Variants in SYN3 observed in about 807,000 individuals in gnomAD.
The protein encoded by SYN3 is synapsin III.
In SYN3, 35 loss-of-function variants were observed where a neutral mutation model predicts 65.8. The observed-to-expected ratio is 0.53, with a 90% CI of 0.41 to 0.70. SYN3 has a LOEUF of 0.70. Ranked by LOEUF, SYN3 falls within the 30% of genes least tolerant of loss-of-function variation. The pLI is 0.00. For synonymous variants in SYN3, 270 were observed against 292.9 expected (o/e 0.92, Z 0.80); for missense variants, 680 against 749.0 (o/e 0.91, Z 1.08).
At chr22:32,938,098 G>T (rs964831082) in intron 3 of SYN3, among the ~76,000 whole-genome samples, 4 of 152,026 alleles carry the variant, frequency 2.6e-5, no homozygotes, top group Non-Finnish European at 5.9e-5. Flanking sequence ...GTGGTGAAGA[G>T]AAAATCTTCA....
At position 32,858,296 on chromosome 22, in the gene SYN3, T is replaced by A. The variant is rs137485; in HGVS notation, c.711+6619A>T. Among the ~76,000 whole-genome samples, 117,287 of 152,076 alleles carry A rather than the reference T, an allele frequency of 0.77. 45,720 individuals carry two copies. The highest frequency in any genetic ancestry group is 0.88 in the African/African-American group (36,345 of 41,526). ...CAGGTCTGAGCAGATATAGTAAGGA[T>A]TGTTGCCCCAGGTGGGGCAGTGAGG... is the stretch of plus-strand genomic sequence containing the variant. On this transcript the variant is annotated intron_variant, in intron 6 of 13. Transcript: ENST00000358763.
chr22:32,626,473 AC>A (rs1161458491), intron 6 of SYN3, among the ~76,000 whole-genome samples: 2 of 152,186 alleles, frequency 1.3e-5, no homozygotes, highest in South Asian at 4.1e-4. Flanking sequence ...TCAAGTGTAG[AC>A]AAAGAGAGAA....
chr22:32,650,523 C>T lies in SYN3; in HGVS notation c.712-53787G>A, dbSNP rs190933748. On this transcript the variant is annotated intron_variant, in intron 6 of 13. Coordinates refer to ENST00000358763, the MANE Select transcript of SYN3 (RefSeq NM_003490.4). ...TCAAGCGATCCCCTCATTTCAGCCTCCCAAAGTGCTGGGATGGCAGGCCAC... is the reference window on the plus strand; with the variant it reads ...TCAAGCGATCCCCTCATTTCAGCCTTCCAAAGTGCTGGGATGGCAGGCCAC... 9.9e-5 allele frequency among the ~76,000 whole-genome samples: 15 copies of T among 152,218 alleles called. No homozygotes were observed. The East Asian group carries it at 2.9e-3, about 29-fold the overall frequency.
At chr22:32,624,202 A>G (rs536061891) in intron 6 of SYN3, among the ~76,000 whole-genome samples, 106 of 152,340 alleles carry the variant, frequency 7.0e-4, no homozygotes, top group Non-Finnish European at 1.2e-3. Context: ...GCATGAAGTC[A>G]GGGTTTGGAA....
chr22:32,755,665 C>T (rs2045267782), intron 6 of SYN3, among the ~76,000 whole-genome samples: 1 of 152,150 alleles, frequency 6.6e-6, no homozygotes, highest in Non-Finnish European at 1.5e-5. Flanking sequence ...CTTCTGTCCT[C>T]CAAGGATGGA....
At chr22:32,611,310 G>A (rs1011611793) in intron 6 of SYN3, among the ~76,000 whole-genome samples, 2 of 145,206 alleles carry the variant, frequency 1.4e-5, no homozygotes, top group Admixed American at 6.9e-5. Context: ...TTTTTTGTGG[G>A]GGGGATGGAG....
At chr22:33,006,147 C>T (rs1274361122) in intron 2 of SYN3, among the ~76,000 whole-genome samples, 1 of 152,174 alleles carries the variant, frequency 6.6e-6, no homozygotes, top group South Asian at 2.1e-4. Flanking sequence ...ATATAAAGCC[C>T]TTAGAAGAGA....
chr22:33,036,117 C>T (rs954519077), intron 1 of SYN3, among the ~76,000 whole-genome samples: 1 of 152,194 alleles, frequency 6.6e-6, no homozygotes, highest in Non-Finnish European at 1.5e-5. Flanking sequence ...TACCGCCTAC[C>T]TGCCCCTCTT....
At chr22:32,934,956 TGA>T (rs1278253157) in intron 3 of SYN3, among the ~76,000 whole-genome samples, 2 of 152,118 alleles carry the variant, frequency 1.3e-5, no homozygotes, top group Non-Finnish European at 2.9e-5. Flanking sequence ...CAAGAAATGC[TGA>T]GAGTCACTAG....
rs1469903358 is a variant in SYN3, at chr22:32,925,870, T to TTTTC, written c.461+5519_461+5520insGAAA. Reference sequence around the variant, plus strand: ...AGGACCAATGGGATAGTTGTTCTTTTTTTTTTTTTTTTGTGGCAGGGTCTC... The same window carrying TTTTC: ...AGGACCAATGGGATAGTTGTTCTTTTTTTCTTTTTTTTTTTTGTGGCAGGGTCTC... On this transcript the variant is annotated intron_variant, in intron 4 of 13. Transcript: ENST00000358763. Among the ~76,000 whole-genome samples the TTTTC allele has an allele frequency of 2.0e-5, 3 of 149,570 alleles. 1 individual carries two copies. Among genetic ancestry groups the TTTTC allele is most frequent in the African/African-American group, 7.4e-5 (3 of 40,730 alleles).
chr22:32,992,765 A>G (rs1010769590), intron 2 of SYN3, among the ~76,000 whole-genome samples: 1 of 152,232 alleles, frequency 6.6e-6, no homozygotes, highest in Non-Finnish European at 1.5e-5. Flanking sequence ...GTGAGGCAAC[A>G]TCACTCTGCT....
chr22:32,614,971 CAA>C (rs10719539), intron 6 of SYN3, among the ~76,000 whole-genome samples: 40 of 147,040 alleles, frequency 2.7e-4, no homozygotes, highest in African/African-American at 2.5e-4. Context: ...ACAAATGTTC[CAA>C]AAAAAAAAAA....
intron 6 of SYN3, among the ~76,000 whole-genome samples, chr22:32,782,619 G>A (rs751004557): frequency 2.0e-5 from 3 of 150,674 alleles, no homozygotes; most frequent in African/African-American, 4.9e-5. Flanking sequence ...CTAGGTTCAA[G>A]TGATTCTTCC....
At chr22:32,972,580 G>A (rs1190925294) in intron 3 of SYN3, among the ~76,000 whole-genome samples, 2 of 152,200 alleles carry the variant, frequency 1.3e-5, no homozygotes, top group African/African-American at 2.4e-5. Flanking sequence ...AGGCATTCAT[G>A]CAGGAATTGA....
At position 32,509,111 on chromosome 22, in the gene SYN3, T is replaced by C. The variant is rs1474478594; in HGVS notation, c.*4581A>G. Among the ~76,000 whole-genome samples, 2 of 152,232 alleles carry C rather than the reference T, an allele frequency of 1.3e-5. No homozygotes were observed. The highest frequency in any genetic ancestry group is 2.9e-5 in the Non-Finnish European group (2 of 68,042). On this transcript the variant is annotated 3_prime_UTR_variant, in exon 14 of 14. Transcript: ENST00000358763. ...AAGAGAAAGGATATGCCACTGTTCC[T>C]GGAAAGCTGATTTTACATTTAACCA...
At chr22:32,771,056 C>T (rs753624637) in intron 6 of SYN3, among the ~76,000 whole-genome samples, 12 of 152,112 alleles carry the variant, frequency 7.9e-5, no homozygotes, top group Non-Finnish European at 1.3e-4. Flanking sequence ...TCTCCCTCCC[C>T]TTGCCCCTCA....
intron 6 of SYN3, among the ~76,000 whole-genome samples, chr22:32,704,831 CAT>C (rs1417420068): frequency 6.6e-6 from 1 of 151,976 alleles, no homozygotes; most frequent in East Asian, 1.9e-4. Flanking sequence ...GCTTTTTTTA[CAT>C]GTTTGTTGGC....
rs536110277 is a variant in SYN3 at position 32,995,883 on chromosome 22, G to C, written c.311+10469C>G. ...TCACCATGTTGGCCAGGATGGTCTCGATCTCCTGACCTTGTGGTCTGCCTC... is the reference window on the plus strand; with the variant it reads ...TCACCATGTTGGCCAGGATGGTCTCCATCTCCTGACCTTGTGGTCTGCCTC... On this transcript the variant is annotated intron_variant, in intron 2 of 13. Coordinates refer to ENST00000358763, the MANE Select transcript of SYN3 (RefSeq NM_003490.4). 1.2e-4 allele frequency among the ~76,000 whole-genome samples: 18 copies of C among 152,182 alleles called. No individual in the cohort carries two copies. The South Asian group carries it at 3.5e-3, about 30-fold the overall frequency.
chr22:32,841,690 G>A (rs2047907695), intron 6 of SYN3, among the ~76,000 whole-genome samples: 1 of 72 alleles, frequency 0.014, no homozygotes, highest in Non-Finnish European at 0.036. Context: ...GTTGGTGGGT[G>A]GGGTAGGGGA....
Sources: gnomAD v4.1 joint callset for allele counts (sites outside exome capture counted in the v4.1 genomes callset) on GRCh38, gnomAD v4.1.1 for gene constraint, MANE v1.5 for transcripts, NCBI Gene and HGNC (gene_info 2026-07-23, HGNC 2026-07-21) for gene names.